PCNX2: variants seen among roughly 807,000 people sequenced by gnomAD.
PCNX2 encodes pecanex 2, also known as pecanex-like protein 2.
Under a neutral mutation model 223.8 loss-of-function variants are expected in PCNX2, and 168 were observed. That is an observed-to-expected ratio of 0.75 (90% CI 0.66 to 0.85). The LOEUF (loss-of-function observed/expected upper bound fraction) is 0.85, where lower values mean the gene tolerates loss of function less well. Among genes scored for constraint, PCNX2 ranks in the 40% least tolerant of loss-of-function variants. The probability of loss-of-function intolerance (pLI) is 0.00; values close to 1 mark genes in which losing one functional copy is unlikely to be tolerated. For missense variants in PCNX2, 2,507 were observed against 2,675.5 expected (o/e 0.94, Z 1.39); for synonymous variants, 1,006 against 1,052.6 (o/e 0.96, Z 0.86).
At chr1:233,147,147 T>C (rs1439757386) in intron 19 of PCNX2, among the ~76,000 whole-genome samples, 1 of 152,134 alleles carries the variant, frequency 6.6e-6, no homozygotes, top group Non-Finnish European at 1.5e-5. Context: ...TGGTTGACCC[T>C]TGAACAAGGG....
At chr1:233,293,180 T>G (rs1002017556) in intron 1 of PCNX2, among the ~76,000 whole-genome samples, 1 of 152,208 alleles carries the variant, frequency 6.6e-6, no homozygotes, top group Non-Finnish European at 1.5e-5. Flanking sequence ...TGAGCCCATA[T>G]GCATAGGAAA....
At chr1:233,058,092 T>G in intron 23 of PCNX2, 4 of 967,400 alleles carry the variant, frequency 4.1e-6, no homozygotes, top group Non-Finnish European at 4.9e-6. Flanking sequence ...AAGTGGCCAC[T>G]AGAACCAGCT....
rs775221336 is a variant in PCNX2 at position 233,217,031 on chromosome 1, G to A, written c.2691+868C>T. ...AAAAAGTTGAACCCATAGAAAAAGC[G>A]AATAGAATGGTGGTTACCAGGAGGC... On this transcript the variant is annotated intron_variant, in intron 12 of 33. Transcript: ENST00000258229. 5.3e-5 allele frequency among the ~76,000 whole-genome samples: 8 copies of A among 152,184 alleles called. 1 individual carries two copies. The South Asian group carries it at 1.2e-3, about 24-fold the overall frequency.
chr1:233,143,416 T>C (rs1003552284), intron 19 of PCNX2, among the ~76,000 whole-genome samples: 3 of 152,176 alleles, frequency 2.0e-5, no homozygotes, highest in South Asian at 2.1e-4. Flanking sequence ...CTAATAAACT[T>C]CTAAGTGATG....
chr1:233,248,502 C>T (rs369864926), intron 8 of PCNX2, among the ~76,000 whole-genome samples: 1 of 151,890 alleles, frequency 6.6e-6, no homozygotes, highest in South Asian at 2.1e-4. Flanking sequence ...TTTTGACCGC[C>T]GGGGTGAGGT....
chr1:233,306,689 G>T, the PCNX2 span, among the ~76,000 whole-genome samples: 1 of 152,222 alleles, frequency 6.6e-6, no homozygotes, highest in Non-Finnish European at 1.5e-5. Context: ...ATATGTGCTT[G>T]AAGGTATCTG....
chr1:233,135,292 C>A, intron 20 of PCNX2, 102 bp from the exon 21 acceptor site: 1 of 1,271,410 alleles, frequency 7.9e-7, no homozygotes. Flanking sequence ...TCATTAAGAA[C>A]TTTACAGGCA....
chr1:232,999,371 T>C lies in PCNX2; in HGVS notation c.5337A>G (p.Lys1779=). 6.3e-7 allele frequency: 1 copy of C among 1,593,120 alleles called. No individual in the cohort carries two copies. The highest frequency in any genetic ancestry group is 8.5e-7 in the Non-Finnish European group (1 of 1,169,902). The change falls in exon 31 of 34, where the codon AAA becomes AAG. Residue 1779 remains lysine, a synonymous_variant. Transcript: ENST00000258229. ...CGGCCCAAAGTCCTCGGACGCATTC[T>C]TTGTTAACCTGCAGGTCAGAGAGGG... The part of the protein sequence containing the change: ...FLSFKVIKVN[K]ECVRGLWAGQ...
intron 13 of PCNX2, among the ~76,000 whole-genome samples, chr1:233,201,017 C>T (rs1431650903): frequency 7.8e-6 from 1 of 128,394 alleles, no homozygotes; most frequent in Non-Finnish European, 1.6e-5. Context: ...CAGAGCAAGA[C>T]TCCGTCTCAA....
At chr1:233,211,855 T>C (rs2102917429) in intron 12 of PCNX2, 17 of 978,202 alleles carry the variant, frequency 1.7e-5, no homozygotes, top group South Asian at 4.7e-5. Flanking sequence ...GCATCCATGA[T>C]AGTCTTAGGG....
At position 233,198,095 on chromosome 1, in the gene PCNX2, C is replaced by T. The variant is rs1293305657; in HGVS notation, c.3066+844G>A. Among the ~76,000 whole-genome samples, 13 of 132,128 alleles carry T rather than the reference C, an allele frequency of 9.8e-5. No individual in the cohort carries two copies. The Admixed American group carries it at 1.2e-3, about 12-fold the overall frequency. The allele number at this position is 132,128 out of a possible 152,430, so 86.7% of individuals were successfully genotyped here. On this transcript the variant is annotated intron_variant, in intron 15 of 33. Transcript: ENST00000258229. ...AAACAAACAGTAGTGGTCTCCCCAC[C>T]TACACAAACCCCTGCCCTAATTCCT... is the stretch of plus-strand genomic sequence containing the variant.
At chr1:233,106,990 C>T (rs576179374) in intron 21 of PCNX2, among the ~76,000 whole-genome samples, 3 of 152,188 alleles carry the variant, frequency 2.0e-5, no homozygotes, top group Admixed American at 6.5e-5. Flanking sequence ...AAACTTTCCA[C>T]ATTTATGCTT....
intron 25 of PCNX2, among the ~76,000 whole-genome samples, chr1:233,027,570 T>C (rs1409179923): frequency 6.6e-6 from 1 of 152,200 alleles, no homozygotes; most frequent in Non-Finnish European, 1.5e-5. Context: ...ATCTCTAAAA[T>C]TTTCTTCCTT....
chr1:233,015,356 C>T (rs1349726521), intron 27 of PCNX2, among the ~76,000 whole-genome samples: 2 of 152,042 alleles, frequency 1.3e-5, no homozygotes, highest in African/African-American at 4.8e-5. Flanking sequence ...AGTTCAAGAC[C>T]ATCCTGGGCA....
chr1:233,237,112 C>G, intron 8 of PCNX2, 132 bp from the exon 9 acceptor site: 1 of 1,144,944 alleles, frequency 8.7e-7, no homozygotes, highest in Admixed American at 2.7e-5. Context: ...CTTACATAAA[C>G]AGTTAAGAGT....
chr1:233,056,885 T>C (rs995059189), intron 24 of PCNX2, among the ~76,000 whole-genome samples: 4 of 152,214 alleles, frequency 2.6e-5, no homozygotes, highest in Non-Finnish European at 5.9e-5. Flanking sequence ...TTAAGGATAT[T>C]ATCATGCTGA....
At chr1:233,096,254 A>T (rs912451672) in intron 21 of PCNX2, among the ~76,000 whole-genome samples, 1 of 152,132 alleles carries the variant, frequency 6.6e-6, no homozygotes, top group Non-Finnish European at 1.5e-5. Context: ...ATTTCATTTT[A>T]CCTCTTCAGC....
intron 17 of PCNX2, among the ~76,000 whole-genome samples, chr1:233,175,313 T>C (rs1249797661): frequency 2.0e-5 from 3 of 152,226 alleles, no homozygotes; most frequent in Non-Finnish European, 4.4e-5. Flanking sequence ...TAACAAGTTA[T>C]GTGCTCCACA....
intron 10 of PCNX2, among the ~76,000 whole-genome samples, chr1:233,222,143 G>A (rs1037050980): frequency 3.9e-5 from 6 of 152,200 alleles, no homozygotes; most frequent in African/African-American, 1.2e-4. Context: ...TGTTCCATGC[G>A]CAGGAACTGC....
Sources: gnomAD v4.1 joint callset for allele counts (sites outside exome capture counted in the v4.1 genomes callset) on GRCh38, gnomAD v4.1.1 for gene constraint, MANE v1.5 for transcripts, NCBI Gene and HGNC (gene_info 2026-07-23, HGNC 2026-07-21) for gene names.